The following PLEKHA5 variants were observed in gnomAD, a reference collection of about 807,000 sequenced individuals.
The protein encoded by PLEKHA5 is pleckstrin homology domain-containing family A member 5.
A neutral mutation model predicts 181.9 loss-of-function variants in PLEKHA5; 55 were observed. The ratio of observed to expected loss-of-function variants is 0.30; its 90% CI spans 0.24 to 0.38. The LOEUF (loss-of-function observed/expected upper bound fraction) is 0.38. Among genes scored for constraint, PLEKHA5 ranks in the 10% least tolerant of loss-of-function variants. PLEKHA5 has a pLI of 1.00. For synonymous variants in PLEKHA5, 535 were observed against 529.4 expected (o/e 1.01, Z -0.15); for missense variants, 1,432 against 1,549.5 (o/e 0.92, Z 1.27).
At position 19,265,778 on chromosome 12, in the gene PLEKHA5, C is replaced by T; in HGVS notation, c.639C>T (p.Ser213=). 1 of 1,589,300 alleles carries T rather than the reference C, an allele frequency of 6.3e-7. No individual in the cohort carries two copies. Among genetic ancestry groups the T allele is most frequent in the Non-Finnish European group, 8.6e-7 (1 of 1,158,706 alleles). ...RDEKEEGILG[S]ILLPSFQIAL... ...AGAAAGAAGAGGGTATCCTGGGAAG[C>T]ATACTGTTACCTAGTTTTCAGATAG... is the stretch of plus-strand genomic sequence containing the variant. The change falls in exon 8 of 32, where the codon AGC becomes AGT. Residue 213 remains serine, a synonymous_variant. Transcript: ENST00000429027.
At chr12:19,325,225 C>G (rs1161510012) in intron 20 of PLEKHA5, among the ~76,000 whole-genome samples, 1 of 151,826 alleles carries the variant, frequency 6.6e-6, no homozygotes, top group African/African-American at 2.4e-5. Flanking sequence ...GACCCTATCT[C>G]TACAAGAAAC....
intron 29 of PLEKHA5, among the ~76,000 whole-genome samples, chr12:19,365,379 A>C (rs1592651743): frequency 6.6e-6 from 1 of 152,020 alleles, no homozygotes; most frequent in East Asian, 1.9e-4. Flanking sequence ...AAAAAAAAAA[A>C]AAATCTTATA....
At chr12:19,233,096 A>G (rs1398723951) in intron 3 of PLEKHA5, among the ~76,000 whole-genome samples, 2 of 152,190 alleles carry the variant, frequency 1.3e-5, no homozygotes, top group Admixed American at 1.3e-4. Flanking sequence ...TATGAGAGAG[A>G]GAAAGACACT....
intron 3 of PLEKHA5, chr12:19,154,400 TG>T (rs1263196823): frequency 6.6e-6 from 1 of 152,204 alleles, no homozygotes; most frequent in African/African-American, 2.4e-5. Flanking sequence ...GTTTTCTTGT[TG>T]GTTATTTAAA....
chr12:19,322,460 TA>T, intron 19 of PLEKHA5, 57 bp from the exon 20 acceptor site: 1 of 1,572,196 alleles, frequency 6.4e-7, no homozygotes, highest in African/African-American at 1.3e-5. Flanking sequence ...CACTGATAAG[TA>T]AAAAGAATTA....
In PLEKHA5 at chr12:19,320,004, C is replaced by T. The variant is rs1326384946; in HGVS notation, c.2119-17C>T. ...TCTTTTCAATTAAACCCATCCTTTT[C>T]CTTCATTATCTTTTAGTTCTTAAGA... is the stretch of plus-strand genomic sequence containing the variant. On this transcript the variant is annotated splice_polypyrimidine_tract_variant and intron_variant, in intron 16 of 31. Coordinates refer to ENST00000429027, the MANE Select transcript of PLEKHA5 (RefSeq NM_001256470.2). 6 of 1,353,378 alleles carry T rather than the reference C, an allele frequency of 4.4e-6. No homozygotes were observed. Among genetic ancestry groups the T allele is most frequent in the Non-Finnish European group, 6.0e-6 (6 of 994,866 alleles). The allele number at this position is 1,353,378 out of a possible 1,614,324, so 83.8% of individuals were successfully genotyped here. A position where few individuals can be genotyped will look rare whatever the true frequency, so the allele number is the denominator to read the frequency against.
At chr12:19,280,735 C>CTTTTTT in intron 11 of PLEKHA5, among the ~76,000 whole-genome samples, 1 of 143,058 alleles carries the variant, frequency 7.0e-6, no homozygotes, top group Non-Finnish European at 1.5e-5. Flanking sequence ...TTTTCTTTTT[C>CTTTTTT]TTTTTTTTTT....
intron 22 of PLEKHA5, among the ~76,000 whole-genome samples, chr12:19,345,501 C>T (rs867643529): frequency 1.3e-5 from 2 of 151,314 alleles, no homozygotes; most frequent in Non-Finnish European, 1.5e-5. Context: ...CCATGGCTCA[C>T]GCCTGTAATC....
intron 3 of PLEKHA5, among the ~76,000 whole-genome samples, chr12:19,185,391 G>C (rs2049593387): frequency 6.6e-6 from 1 of 152,076 alleles, no homozygotes; most frequent in Non-Finnish European, 1.5e-5. Context: ...AAGCTCTGGA[G>C]AACGAGAATG....
At chr12:19,261,300 A>C (rs899066302) in intron 7 of PLEKHA5, among the ~76,000 whole-genome samples, 12 of 152,148 alleles carry the variant, frequency 7.9e-5, no homozygotes, top group African/African-American at 2.9e-4. Context: ...AATAGATACA[A>C]TCCTTAGTTT....
intron 29 of PLEKHA5, among the ~76,000 whole-genome samples, chr12:19,364,401 C>T (rs2153266231): frequency 6.6e-6 from 1 of 151,914 alleles, no homozygotes; most frequent in East Asian, 2.0e-4. Flanking sequence ...ATCCCACCTG[C>T]TTGTGAGACT....
chr12:19,317,244 A>G (rs141526401), intron 16 of PLEKHA5, among the ~76,000 whole-genome samples: 3,641 of 152,162 alleles, frequency 0.024, 189 homozygotes, highest in Admixed American at 0.13. Context: ...GCACACACCT[A>G]TAGTCCTAGC....
chr12:19,256,813 C>T (rs1025175692), intron 5 of PLEKHA5, among the ~76,000 whole-genome samples: 2 of 152,104 alleles, frequency 1.3e-5, no homozygotes, highest in South Asian at 2.1e-4. Context: ...GTAACCATAG[C>T]AGTATTTTTA....
intron 6 of PLEKHA5, among the ~76,000 whole-genome samples, chr12:19,257,950 CT>C (rs542788418): frequency 1.0e-3 from 152 of 151,802 alleles, no homozygotes; most frequent in Non-Finnish European, 1.7e-3. Context: ...TATTTCCCCC[CT>C]TTATACAGAA....
chr12:19,237,833 G>A (rs1163382415), intron 3 of PLEKHA5, among the ~76,000 whole-genome samples: 1 of 151,762 alleles, frequency 6.6e-6, no homozygotes, highest in African/African-American at 2.4e-5. Flanking sequence ...TGTTTTAAAA[G>A]CATTAGTTTA....
chr12:19,245,824 G>T (rs1027592661), intron 3 of PLEKHA5, among the ~76,000 whole-genome samples: 2 of 151,458 alleles, frequency 1.3e-5, no homozygotes, highest in African/African-American at 4.9e-5. Flanking sequence ...GGCTTGAGAG[G>T]ATGCCTAACT....
intron 3 of PLEKHA5, among the ~76,000 whole-genome samples, chr12:19,211,233 C>G (rs749356260): frequency 2.0e-5 from 3 of 152,136 alleles, no homozygotes; most frequent in Non-Finnish European, 2.9e-5. Context: ...AATACTCCCC[C>G]ACTTCAGAGT....
Position 19,129,827 on chromosome 12 carries a change from A to C in PLEKHA5, c.28A>C (p.Ile10Leu). Residue 10 changes from isoleucine to leucine, a missense_variant, in exon 1 of 32, where the codon ATC (isoleucine) becomes CTC (leucine). This residue lies in a region of PLEKHA5 where 289 missense variants were observed against 381.1 expected (regional missense o/e 0.76). Transcript: ENST00000429027. MAADLNLEW[I>L]SLPRSWTYGI... ...GGCGGCGGATCTGAACCTGGAGTGG[A>C]TCTCCCTGCCCCGGTCCTGGACTTA... 3.1e-6 allele frequency: 5 copies of C among 1,603,666 alleles called. No individual in the cohort carries two copies. Among genetic ancestry groups the C allele is most frequent in the East Asian group, 2.3e-5 (1 of 43,658 alleles).
At chr12:19,214,770 A>G (rs1010143914) in intron 3 of PLEKHA5, among the ~76,000 whole-genome samples, 5 of 152,142 alleles carry the variant, frequency 3.3e-5, no homozygotes, top group African/African-American at 1.2e-4. Flanking sequence ...TGTCTGCCAG[A>G]TGGTGTTAAG....
Sources: allele counts gnomAD v4.1 joint callset (sites outside exome capture counted in the v4.1 genomes callset), GRCh38; gene constraint gnomAD v4.1.1; regional missense constraint gnomAD v4.1.1; transcripts MANE v1.5; gene names NCBI Gene and HGNC (gene_info 2026-07-23, HGNC 2026-07-21).